Variants in GRM5 observed in about 807,000 individuals in gnomAD.
The protein encoded by GRM5 is metabotropic glutamate receptor 5.
A neutral mutation model predicts 83.1 loss-of-function variants in GRM5; 19 were observed. The observed-to-expected ratio is 0.23, with a 90% CI of 0.16 to 0.34. The LOEUF (loss-of-function observed/expected upper bound fraction) is 0.34. Among genes scored for constraint, GRM5 ranks in the 10% least tolerant of loss-of-function variants. GRM5 has a pLI of 1.00. For missense variants in GRM5, 1,160 were observed against 1,588.3 expected, an observed-to-expected ratio of 0.73 and a Z score of 4.58; for synonymous variants, 675 against 633.6, an observed-to-expected ratio of 1.07 and a Z score of -0.98.
intron 2 of GRM5, among the ~76,000 whole-genome samples, chr11:89,042,116 C>A (rs910907706): frequency 4.6e-5 from 7 of 152,092 alleles, no homozygotes; most frequent in African/African-American, 1.7e-4. Context: ...ATGATCTTGG[C>A]TCACTGCAAC....
intron 1 of GRM5, among the ~76,000 whole-genome samples, chr11:89,057,387 C>A (rs1941901138): frequency 6.6e-6 from 1 of 152,088 alleles, no homozygotes; most frequent in South Asian, 2.1e-4. Context: ...CAAGAAAATG[C>A]AGCATCCCCA....
intron 3 of GRM5, among the ~76,000 whole-genome samples, chr11:88,745,224 C>G (rs1357466017): frequency 3.4e-5 from 4 of 116,630 alleles, no homozygotes; most frequent in Non-Finnish European, 6.9e-5. Flanking sequence ...GAGACAGAAT[C>G]TTGTTCTGTT....
chr11:89,020,059 G>A (rs745453518), intron 2 of GRM5, among the ~76,000 whole-genome samples: 1 of 152,210 alleles, frequency 6.6e-6, no homozygotes, highest in Non-Finnish European at 1.5e-5. Flanking sequence ...TGCAAGGTCA[G>A]GGAGGTAAGC....
chr11:88,944,707 T>C (rs896026953), intron 2 of GRM5, among the ~76,000 whole-genome samples: 13 of 151,854 alleles, frequency 8.6e-5, no homozygotes. Flanking sequence ...TTCACCAGGA[T>C]GCTTAAAATT....
At chr11:88,912,872 C>A (rs11021670) in intron 2 of GRM5, among the ~76,000 whole-genome samples, 5,550 of 152,238 alleles carry the variant, frequency 0.036, 163 homozygotes, top group African/African-American at 0.072. Context: ...TGTCCTCATG[C>A]CAGTCCCTTA....
At chr11:88,900,813 T>C (rs1394635394) in intron 2 of GRM5, among the ~76,000 whole-genome samples, 6 of 152,162 alleles carry the variant, frequency 3.9e-5, no homozygotes, top group Admixed American at 3.9e-4. Context: ...TAAGCATCTG[T>C]CCCGCAGTAC....
intron 2 of GRM5, among the ~76,000 whole-genome samples, chr11:88,891,906 G>A (rs316107): frequency 0.96 from 146,368 of 152,090 alleles, 70,474 homozygotes; most frequent in East Asian, 0.99. Context: ...AATGGATTGT[G>A]CTCAGAAAGC....
At chr11:88,994,463 A>G (rs1458263126) in intron 2 of GRM5, among the ~76,000 whole-genome samples, 1 of 100,250 alleles carries the variant, frequency 1.0e-5, no homozygotes, top group African/African-American at 3.8e-5. Context: ...ATATATATAT[A>G]TATATATATA....
intron 2 of GRM5, among the ~76,000 whole-genome samples, chr11:88,898,321 T>C (rs1170889004): frequency 6.6e-6 from 1 of 152,002 alleles, no homozygotes; most frequent in Non-Finnish European, 1.5e-5. Context: ...ATGTTTAACT[T>C]GATTGACTCT....
intron 3 of GRM5, among the ~76,000 whole-genome samples, chr11:88,753,168 A>G (rs1421936976): frequency 6.6e-6 from 1 of 152,146 alleles, no homozygotes; most frequent in Admixed American, 6.6e-5. Context: ...TGAACAGACA[A>G]CCTACAGATT....
intron 3 of GRM5, among the ~76,000 whole-genome samples, chr11:88,807,445 A>G (rs1455304503): frequency 9.9e-5 from 15 of 152,120 alleles, no homozygotes; most frequent in Non-Finnish European, 1.5e-5. Context: ...GTTATTTTAA[A>G]ATCTGAAGAG....
intron 3 of GRM5, among the ~76,000 whole-genome samples, chr11:88,785,878 G>A (rs1943059045): frequency 6.6e-6 from 1 of 152,092 alleles, no homozygotes; most frequent in Admixed American, 6.6e-5. Flanking sequence ...AAAACAAGCT[G>A]ATACTTGATG....
At chr11:89,064,884 CTCTCTG>C (rs1171728124) in intron 1 of GRM5, among the ~76,000 whole-genome samples, 40 of 62,722 alleles carry the variant, frequency 6.4e-4, no homozygotes, top group East Asian at 2.1e-3. Context: ...CTCTCTCTCT[CTCTCTG>C]TGTGTGTGTG....
chr11:88,897,358 C>G (rs1310710454), intron 2 of GRM5, among the ~76,000 whole-genome samples: 1 of 151,878 alleles, frequency 6.6e-6, no homozygotes, highest in East Asian at 1.9e-4. Flanking sequence ...AATATTTCCC[C>G]TCCTGGGCCC....
intron 1 of GRM5, among the ~76,000 whole-genome samples, chr11:89,051,161 CAGG>C (rs1439144711): frequency 6.6e-6 from 1 of 151,844 alleles, no homozygotes; most frequent in Non-Finnish European, 1.5e-5. Flanking sequence ...GAGGCTGAAG[CAGG>C]AGAATGGCGT....
chr11:88,634,341 TTTTAA>T (rs1342485620), intron 4 of GRM5, among the ~76,000 whole-genome samples: 1 of 152,214 alleles, frequency 6.6e-6, no homozygotes, highest in Non-Finnish European at 1.5e-5. Flanking sequence ...CTTTATAAAC[TTTTAA>T]TTTATTTTTA....
rs114210728 is a variant in GRM5 at position 88,658,256 on chromosome 11, G to A, written c.912-4853C>T. Among the ~76,000 whole-genome samples, 423 of 152,240 alleles carry A rather than the reference G, an allele frequency of 2.8e-3. 1 individual carries two copies. Among genetic ancestry groups the A allele is most frequent in the African/African-American group, 9.2e-3 (384 of 41,532 alleles). On this transcript the variant is annotated intron_variant, in intron 3 of 9. Coordinates refer to ENST00000305447, the MANE Select transcript of GRM5 (RefSeq NM_001143831.3). ...CCTGGTGCCAAAAACGTTGGGGACC[G>A]CTGTTGTAGAAGGAAAAACAGATGA...
At chr11:89,010,188 C>A (rs4753211) in intron 2 of GRM5, among the ~76,000 whole-genome samples, 1 of 151,560 alleles carries the variant, frequency 6.6e-6, no homozygotes, top group Admixed American at 6.6e-5. Flanking sequence ...CTATTATACA[C>A]GATTATATGC....
intron 7 of GRM5, among the ~76,000 whole-genome samples, chr11:88,570,571 A>ATATATTTATATATTTTT (rs1405339448): frequency 2.2e-5 from 1 of 46,376 alleles, no homozygotes; most frequent in African/African-American, 1.3e-4. Context: ...ATATATATAT[A>ATATATTTATATATTTTT]TTTTTTTTTT....
Sources: allele counts gnomAD v4.1 joint callset (sites outside exome capture counted in the v4.1 genomes callset), GRCh38; gene constraint gnomAD v4.1.1; transcripts MANE v1.5; gene names NCBI Gene and HGNC (gene_info 2026-07-23, HGNC 2026-07-21).